Variants in LRMDA observed in about 807,000 individuals in gnomAD.
LRMDA encodes the protein leucine rich melanocyte differentiation associated.
Under a neutral mutation model 29.8 loss-of-function variants are expected in LRMDA, and 18 were observed. The ratio of observed to expected loss-of-function variants is 0.60; its 90% CI spans 0.42 to 0.90. The LOEUF (loss-of-function observed/expected upper bound fraction) is 0.90. LRMDA is among the 40% of genes least tolerant of loss of function. The probability of loss-of-function intolerance (pLI) is 0.00; values close to 1 mark genes in which losing one functional copy is unlikely to be tolerated. For missense variants in LRMDA, 273 were observed against 273.9 expected, an observed-to-expected ratio of 1.00 and a Z score of 0.02; for synonymous variants, 125 against 109.4, an observed-to-expected ratio of 1.14 and a Z score of -0.89.
chr10:76,382,166 C>T (rs1391956042), intron 6 of LRMDA, among the ~76,000 whole-genome samples: 1 of 152,198 alleles, frequency 6.6e-6, no homozygotes, highest in African/African-American at 2.4e-5. Flanking sequence ...TTATTTAAAA[C>T]ACATAGACAC....
At chr10:76,131,061 C>T (rs10762696) in intron 5 of LRMDA, among the ~76,000 whole-genome samples, 51,547 of 152,028 alleles carry the variant, frequency 0.34, 9,757 homozygotes, top group East Asian at 0.66. Flanking sequence ...AGGGCCACCC[C>T]GTTGCCTACC....
At chr10:76,234,843 A>T (rs1852122705) in intron 5 of LRMDA, among the ~76,000 whole-genome samples, 1 of 152,216 alleles carries the variant, frequency 6.6e-6, no homozygotes, top group Non-Finnish European at 1.5e-5. Context: ...AGGAAATGTC[A>T]TGGTTGGTTT....
At chr10:75,860,552 C>A (rs527908937) in intron 2 of LRMDA, among the ~76,000 whole-genome samples, 2 of 152,040 alleles carry the variant, frequency 1.3e-5, no homozygotes, top group African/African-American at 2.4e-5. Flanking sequence ...GAACTCCTGG[C>A]CTCAAGTGAT....
At chr10:75,631,094 T>C (rs1265654486) in intron 2 of LRMDA, among the ~76,000 whole-genome samples, 1 of 152,214 alleles carries the variant, frequency 6.6e-6, no homozygotes, top group East Asian at 1.9e-4. Context: ...TGCCTTTACC[T>C]TGTGACTTTC....
intron 5 of LRMDA, among the ~76,000 whole-genome samples, chr10:76,258,865 G>A (rs1025089722): frequency 3.3e-5 from 5 of 151,888 alleles, no homozygotes; most frequent in Non-Finnish European, 4.4e-5. Flanking sequence ...CTACTATTCC[G>A]TTGTTGGATA....
chr10:76,384,982 C>T (rs995085832), intron 6 of LRMDA, among the ~76,000 whole-genome samples: 3 of 152,224 alleles, frequency 2.0e-5, no homozygotes, highest in Admixed American at 2.0e-4. Flanking sequence ...AAAGCCTCTT[C>T]AGCATTCAGC....
chr10:76,157,333 T>G (rs183281726), intron 5 of LRMDA, among the ~76,000 whole-genome samples: 1 of 152,286 alleles, frequency 6.6e-6, no homozygotes, highest in African/African-American at 2.4e-5. Flanking sequence ...AGCTTAGAAC[T>G]GGGTGCAGTG....
At chr10:76,166,484 G>A (rs943541526) in intron 5 of LRMDA, among the ~76,000 whole-genome samples, 1 of 152,062 alleles carries the variant, frequency 6.6e-6, no homozygotes, top group African/African-American at 2.4e-5. Context: ...CTACCCTCCA[G>A]TAGGCCCCAG....
intron 5 of LRMDA, among the ~76,000 whole-genome samples, chr10:76,140,327 C>T (rs768715594): frequency 2.6e-5 from 4 of 152,118 alleles, no homozygotes; most frequent in African/African-American, 4.8e-5. Context: ...GGAGAAGGTG[C>T]CAGCTGAAAT....
intron 2 of LRMDA, among the ~76,000 whole-genome samples, chr10:75,576,952 A>G (rs1043828658): frequency 3.3e-5 from 5 of 152,220 alleles, no homozygotes; most frequent in Non-Finnish European, 7.3e-5. Flanking sequence ...AAAAGGCTGA[A>G]AATTCCAAAA....
chr10:75,832,543 G>C (rs757357902), intron 2 of LRMDA, among the ~76,000 whole-genome samples: 1 of 152,166 alleles, frequency 6.6e-6, no homozygotes, highest in African/African-American at 2.4e-5. Flanking sequence ...ACCTCTGCCT[G>C]TTACCCAGTT....
At chr10:76,199,134 G>A (rs1182227595) in intron 5 of LRMDA, among the ~76,000 whole-genome samples, 6 of 152,114 alleles carry the variant, frequency 3.9e-5, no homozygotes. Flanking sequence ...AAATACAGAT[G>A]TCATCTGTGT....
At chr10:75,710,414 G>A (rs138985450) in intron 2 of LRMDA, among the ~76,000 whole-genome samples, 97 of 152,182 alleles carry the variant, frequency 6.4e-4, no homozygotes, top group African/African-American at 2.1e-3. Flanking sequence ...AGTACTAGGC[G>A]TGATGCTTCA....
chr10:75,451,319 A>C (rs1274468438), intron 2 of LRMDA: 1 of 152,176 alleles, frequency 6.6e-6, no homozygotes, highest in African/African-American at 2.4e-5. Context: ...ATTGCATGAA[A>C]TCTCTTTTGC....
In LRMDA at chr10:76,497,959, C is replaced by T. The variant is rs1842888274; in HGVS notation, c.602-59250C>T. Among the ~76,000 whole-genome samples the T allele has an allele frequency of 2.6e-5, 2 of 75,690 alleles. 1 individual carries two copies. Among genetic ancestry groups the T allele is most frequent in the South Asian group, 7.0e-4 (2 of 2,866 alleles). 49.7% of individuals were successfully genotyped at this position (75,690 alleles called of 152,430 possible). A position where few individuals can be genotyped will look rare whatever the true frequency, so the allele number is the denominator to read the frequency against. On this transcript the variant is annotated intron_variant, in intron 6 of 6. Coordinates refer to ENST00000611255, the MANE Select transcript of LRMDA (RefSeq NM_001305581.2). ...CTTTGCCCTCAGATGTCATATCTCA[C>T]ATGTATGACTGGAGGATATTCAGAA...
chr10:76,480,951 G>A (rs1394718765), intron 6 of LRMDA, among the ~76,000 whole-genome samples: 1 of 151,848 alleles, frequency 6.6e-6, no homozygotes, highest in Non-Finnish European at 1.5e-5. Flanking sequence ...ATGAATAATA[G>A]GATGAAAAAG....
chr10:75,900,384 A>C (rs1845650602), intron 2 of LRMDA, among the ~76,000 whole-genome samples: 1 of 152,202 alleles, frequency 6.6e-6, no homozygotes, highest in Non-Finnish European at 1.5e-5. Flanking sequence ...GTTAAATTAC[A>C]GGCTGGGAAA....
intron 5 of LRMDA, among the ~76,000 whole-genome samples, chr10:76,061,417 G>A (rs774350121): frequency 2.0e-5 from 3 of 152,082 alleles, no homozygotes; most frequent in Non-Finnish European, 4.4e-5. Flanking sequence ...TAACTATTAG[G>A]TACTAGGCTT....
At chr10:75,438,179 A>G (rs1844283319) in intron 1 of LRMDA, among the ~76,000 whole-genome samples, 1 of 152,202 alleles carries the variant, frequency 6.6e-6, no homozygotes, top group African/African-American at 2.4e-5. Flanking sequence ...AGTCTTCATC[A>G]TGTTAACTGC....
Sources: gnomAD v4.1 joint callset for allele counts (sites outside exome capture counted in the v4.1 genomes callset) on GRCh38, gnomAD v4.1.1 for gene constraint, MANE v1.5 for transcripts, NCBI Gene and HGNC (gene_info 2026-07-23, HGNC 2026-07-21) for gene names.